CDH4: variants seen among roughly 807,000 people sequenced by gnomAD.
CDH4 encodes cadherin-4.
In CDH4, 33 loss-of-function variants were observed where a neutral mutation model predicts 86.0. That is an observed-to-expected ratio of 0.38 (90% CI 0.29 to 0.51). The LOEUF (loss-of-function observed/expected upper bound fraction) is 0.51. Among genes scored for constraint, CDH4 ranks in the 20% least tolerant of loss-of-function variants. The pLI is 0.86. For synonymous variants in CDH4, 555 were observed against 549.4 expected, an observed-to-expected ratio of 1.01 and a Z score of -0.14; for missense variants, 1,114 against 1,307.4, an observed-to-expected ratio of 0.85 and a Z score of 2.28.
intron 11 of CDH4, among the ~76,000 whole-genome samples, chr20:61,926,716 T>C (rs960636821): frequency 1.3e-5 from 2 of 151,906 alleles, no homozygotes; most frequent in Non-Finnish European, 2.9e-5. Flanking sequence ...ACTAAAAAAA[T>C]ACAAAAATTA....
Position 61,565,271 on chromosome 20 carries a change from C to CGGTG in CDH4, c.170-178292_170-178291insGGTG, listed in dbSNP as rs2086276054. On this transcript the variant is annotated intron_variant, in intron 2 of 15. Coordinates refer to ENST00000614565, the MANE Select transcript of CDH4 (RefSeq NM_001794.5). Reference sequence around the variant, plus strand: ...TGCTCTTGGTGATGGTGGTGGTGGTCCTCTTGGTGATGGGGTGATGGTGGT... The same window carrying CGGTG: ...TGCTCTTGGTGATGGTGGTGGTGGTCGGTGCTCTTGGTGATGGGGTGATGGTGGT... Among the ~76,000 whole-genome samples, 8 of 56,544 alleles carry CGGTG rather than the reference C, an allele frequency of 1.4e-4. 2 individuals carry two copies. Among genetic ancestry groups the CGGTG allele is most frequent in the East Asian group, 4.3e-4 (1 of 2,338 alleles). 37.1% of individuals were successfully genotyped at this position (56,544 alleles called of 152,430 possible).
intron 2 of CDH4, among the ~76,000 whole-genome samples, chr20:61,459,243 T>C (rs529380428): frequency 6.6e-6 from 1 of 152,140 alleles, no homozygotes; most frequent in East Asian, 1.9e-4. Context: ...TTATCCCAGT[T>C]TTTGGTCCAT....
chr20:61,767,457 C>T (rs1440593945), intron 3 of CDH4, among the ~76,000 whole-genome samples: 1 of 152,188 alleles, frequency 6.6e-6, no homozygotes, highest in African/African-American at 2.4e-5. Flanking sequence ...TGGAGTGTGG[C>T]CTGCCAGGTG....
chr20:61,780,609 G>A (rs1978488133), intron 4 of CDH4, among the ~76,000 whole-genome samples: 1 of 152,172 alleles, frequency 6.6e-6, no homozygotes, highest in South Asian at 2.1e-4. Flanking sequence ...ATAATAAATT[G>A]GAAGGTCTTT....
At chr20:61,927,922 G>A (rs2055062575) in intron 11 of CDH4, among the ~76,000 whole-genome samples, 2 of 152,318 alleles carry the variant, frequency 1.3e-5, no homozygotes, top group South Asian at 2.1e-4. Flanking sequence ...GTGGCCGTGT[G>A]CTTTGCCGTG....
rs114493065 is a variant in CDH4, at chr20:61,728,555, G to A, written c.170-15008G>A. ...GAGCACTGGCCCACCATGCCCCAGC[G>A]GTGGAACCTCGGGATACGGGGCAGG... On this transcript the variant is annotated intron_variant, in intron 2 of 15. Coordinates refer to ENST00000614565, the MANE Select transcript of CDH4 (RefSeq NM_001794.5). 4.0e-3 allele frequency among the ~76,000 whole-genome samples: 604 copies of A among 152,238 alleles called. 3 individuals are homozygous for A. The highest frequency in any genetic ancestry group is 0.014 in the African/African-American group (573 of 41,544).
intron 2 of CDH4, among the ~76,000 whole-genome samples, chr20:61,645,911 A>G (rs1468443544): frequency 6.6e-6 from 1 of 152,142 alleles, no homozygotes; most frequent in African/African-American, 2.4e-5. Context: ...GGTGGAGGGA[A>G]AGATAGCGCC....
chr20:61,894,591 G>A (rs1020756257), intron 7 of CDH4, among the ~76,000 whole-genome samples: 2 of 152,088 alleles, frequency 1.3e-5, no homozygotes. Context: ...TGCCCTCTGG[G>A]CTCCCCTGTT....
At chr20:61,568,428 A>C (rs1218669601) in intron 2 of CDH4, among the ~76,000 whole-genome samples, 2 of 152,158 alleles carry the variant, frequency 1.3e-5, no homozygotes, top group South Asian at 4.1e-4. Context: ...CATGATTGTA[A>C]GTTTCCTGAG....
chr20:61,471,514 A>G (rs1306029311), intron 2 of CDH4, among the ~76,000 whole-genome samples: 1 of 136,428 alleles, frequency 7.3e-6, no homozygotes. Flanking sequence ...TTTCAATTTT[A>G]TTTATTTTTG....
intron 2 of CDH4, among the ~76,000 whole-genome samples, chr20:61,607,989 C>G (rs2086657875): frequency 6.6e-6 from 1 of 152,194 alleles, no homozygotes; most frequent in Non-Finnish European, 1.5e-5. Context: ...CCCTCATCCA[C>G]ATTCCTAGAA....
chr20:61,541,978 G>A (rs1034022098), intron 2 of CDH4, among the ~76,000 whole-genome samples: 10 of 152,202 alleles, frequency 6.6e-5, no homozygotes, highest in Admixed American at 2.0e-4. Context: ...AAAGGTGAGT[G>A]GAAGTGGTGC....
At chr20:61,743,485 G>T in intron 2 of CDH4, 78 bp from the exon 3 acceptor site, 1 of 1,085,580 alleles carries the variant, frequency 9.2e-7, no homozygotes. Flanking sequence ...CCTGTAGGGC[G>T]TCCTGCGTGG....
At chr20:61,374,964 G>A (rs7264839) in intron 2 of CDH4, among the ~76,000 whole-genome samples, 38,835 of 152,160 alleles carry the variant, frequency 0.26, 5,443 homozygotes, top group African/African-American at 0.35. Flanking sequence ...CCAATTGCCA[G>A]TTAGAAAATG....
chr20:61,366,357 G>A (rs985610243), intron 2 of CDH4, among the ~76,000 whole-genome samples: 9 of 152,182 alleles, frequency 5.9e-5, no homozygotes, highest in Non-Finnish European at 8.8e-5. Flanking sequence ...AACATAAGGC[G>A]GGAGGCTGGG....
intron 2 of CDH4, among the ~76,000 whole-genome samples, chr20:61,540,072 A>AGG (rs2086028617): frequency 6.6e-6 from 1 of 151,958 alleles, no homozygotes; most frequent in African/African-American, 2.4e-5. Context: ...CTGAGGGTGG[A>AGG]GGGGGAGCAA....
chr20:61,502,138 T>G (rs1397464901), intron 2 of CDH4, among the ~76,000 whole-genome samples: 1 of 152,064 alleles, frequency 6.6e-6, no homozygotes. Context: ...AAAAAGCAGT[T>G]GACGTGGACG....
chr20:61,440,786 CCT>C (rs2085310905), intron 2 of CDH4, among the ~76,000 whole-genome samples: 2 of 152,162 alleles, frequency 1.3e-5, no homozygotes, highest in Non-Finnish European at 2.9e-5. Context: ...TGTCCCGATG[CCT>C]CTGGTTGTCA....
intron 8 of CDH4, among the ~76,000 whole-genome samples, chr20:61,904,926 T>C (rs879889801): frequency 6.6e-6 from 1 of 152,264 alleles, no homozygotes; most frequent in Non-Finnish European, 1.5e-5. Context: ...AAACACCGGC[T>C]GTGCTGCAGG....
Sources: gnomAD v4.1 joint callset for allele counts (sites outside exome capture counted in the v4.1 genomes callset) on GRCh38, gnomAD v4.1.1 for gene constraint, MANE v1.5 for transcripts, NCBI Gene and HGNC (gene_info 2026-07-23, HGNC 2026-07-21) for gene names.